MRC2: variants seen among roughly 807,000 people sequenced by gnomAD.
MRC2 encodes the protein mannose receptor C-type 2.
MRC2 carries 84 observed loss-of-function variants against 206.2 expected under a neutral mutation model. The observed-to-expected ratio is 0.41, with a 90% confidence interval of 0.34 to 0.49. The LOEUF (loss-of-function observed/expected upper bound fraction) is 0.49, where lower values mean the gene tolerates loss of function less well. MRC2 is among the 20% of genes least tolerant of loss of function. MRC2 has a pLI of 0.31. For missense variants in MRC2, 1,676 were observed against 2,001.5 expected (o/e 0.84, Z 3.10); for synonymous variants, 798 against 800.0 (o/e 1.00, Z 0.04).
chr17:62,655,279 C>T (rs943989888), intron 1 of MRC2, among the ~76,000 whole-genome samples: 1 of 150,308 alleles, frequency 6.7e-6, no homozygotes, highest in Non-Finnish European at 1.5e-5. Context: ...GAGCAGACTC[C>T]GTCTCAAACA....
chr17:62,680,006 C>G lies in MRC2; in HGVS notation c.2298+104C>G. ...TGGGCGGGTTTTCTTGAGGGCCGGG[C>G]CCCCAGTCGGAGCCGGCTTCAGGAA... On this transcript the variant is annotated intron_variant, in intron 14 of 29. Coordinates refer to ENST00000303375, the MANE Select transcript of MRC2 (RefSeq NM_006039.5). This position sits in a 1 kb window ranked among gnomAD's most constrained non-coding sequence, Gnocchi z 4.8. 3.4e-6 allele frequency: 5 copies of G among 1,450,042 alleles called. No homozygotes were observed. The highest frequency in any genetic ancestry group is 4.7e-6 in the Non-Finnish European group (5 of 1,073,002). The allele number at this position is 1,450,042 out of a possible 1,614,324, so 89.8% of individuals were successfully genotyped here. A position where few individuals can be genotyped will look rare whatever the true frequency, so the allele number is the denominator to read the frequency against.
In MRC2 at chr17:62,627,912, C is replaced by T; in HGVS notation, c.110C>T (p.Ala37Val). ...LGRPGAPGDA[A>V]LPEPNVFLIF... ...CGTCCCGGCGCCCCTGGGGACGCCG[C>T]CCTCCCGGGTAAGGCGCTGCCAACT... The change falls in exon 1 of 30, where the codon GCC (alanine) becomes GTC (valine). Residue 37 changes from alanine to valine, a missense_variant. By Grantham distance (64) the Ala-to-Val change is moderately conservative. Coordinates refer to ENST00000303375, the MANE Select transcript of MRC2 (RefSeq NM_006039.5). The T allele has an allele frequency of 6.9e-7, 1 of 1,456,660 alleles. No homozygotes were observed. The highest frequency in any genetic ancestry group is 9.0e-7 in the Non-Finnish European group (1 of 1,111,570). 90.2% of individuals were successfully genotyped at this position (1,456,660 alleles called of 1,614,324 possible).
Position 62,672,208 on chromosome 17 carries a change from T to A in MRC2, c.1461+56T>A. The A allele has an allele frequency of 1.9e-6, 3 of 1,603,444 alleles. No individual in the cohort carries two copies. The highest frequency in any genetic ancestry group is 2.6e-6 in the Non-Finnish European group (3 of 1,171,984). On this transcript the variant is annotated intron_variant, in intron 8 of 29. Transcript: ENST00000303375. The surrounding 1 kb of genome is among the most constrained non-coding windows in gnomAD (Gnocchi z 4.5). ...ACAAAATACACCCCCAACCTCCAGGTGCCACCCCAGCTGAAGGACATCCTA... is the reference window on the plus strand; with the variant it reads ...ACAAAATACACCCCCAACCTCCAGGAGCCACCCCAGCTGAAGGACATCCTA...
chr17:62,683,841 G>T lies in MRC2; in HGVS notation c.2946+1464G>T, dbSNP rs2089000903. ...GGTCATGCCACTGTATACCACCCTGGGTAATGGAGTGAGACCCTTTCTCCA... is the reference window on the plus strand; with the variant it reads ...GGTCATGCCACTGTATACCACCCTGTGTAATGGAGTGAGACCCTTTCTCCA... On this transcript the variant is annotated intron_variant, in intron 20 of 29. Coordinates refer to ENST00000303375, the MANE Select transcript of MRC2 (RefSeq NM_006039.5). 2.0e-5 allele frequency: 3 copies of T among 151,110 alleles called. No individual in the cohort carries two copies. The South Asian group carries it at 6.3e-4, about 32-fold the overall frequency. 9.4% of individuals were successfully genotyped at this position (151,110 alleles called of 1,614,324 possible).
rs562083245 is a variant in MRC2 at position 62,666,644 on chromosome 17, C to A, written c.859+25C>A. On this transcript the variant is annotated intron_variant, in intron 4 of 29. Coordinates refer to ENST00000303375, the MANE Select transcript of MRC2 (RefSeq NM_006039.5). This position sits in a 1 kb window ranked among gnomAD's most constrained non-coding sequence, Gnocchi z 5.0. ...GGTGAGCCGGGGCCTGATGCCTGCT[C>A]GTGCCTCTGGAGGGCCCGGGCCCTT... The A allele has an allele frequency of 3.4e-6, 5 of 1,463,268 alleles. No homozygotes were observed. Among genetic ancestry groups the A allele is most frequent in the South Asian group, 1.2e-5 (1 of 80,452 alleles). 90.6% of individuals were successfully genotyped at this position (1,463,268 alleles called of 1,614,324 possible).
intron 1 of MRC2, among the ~76,000 whole-genome samples, chr17:62,655,705 C>T (rs539236251): frequency 8.5e-4 from 105 of 122,960 alleles, no homozygotes; most frequent in Admixed American, 2.1e-3. Flanking sequence ...GACAACAGAA[C>T]GAAACTCTGT....
At chr17:62,637,816 C>G (rs1454897053) in intron 1 of MRC2, among the ~76,000 whole-genome samples, 1 of 152,186 alleles carries the variant, frequency 6.6e-6, no homozygotes, top group Non-Finnish European at 1.5e-5. Flanking sequence ...ACCTCCAGAG[C>G]AAGGCCTTTT....
Position 62,666,137 on chromosome 17 carries a change from C to A in MRC2, c.564C>A (p.Thr188=). 1 of 1,598,326 alleles carries A rather than the reference C, an allele frequency of 6.3e-7. No homozygotes were observed. ...GAAACTCCCACGGAAAGCCGTGCAC[C>A]ATCCCCTTCAAATATGACAACCAGT... is the stretch of plus-strand genomic sequence containing the variant. The part of the protein sequence containing the change: ...IQGNSHGKPC[T]IPFKYDNQWF... Residue 188 remains threonine (T), a synonymous_variant, in exon 3 of 30, where the codon ACC becomes ACA. Coordinates refer to ENST00000303375, the MANE Select transcript of MRC2 (RefSeq NM_006039.5). This position sits in a 1 kb window ranked among gnomAD's most constrained non-coding sequence, Gnocchi z 5.0.
At chr17:62,665,061 G>A in intron 2 of MRC2, 112 bp downstream of exon 2, 1 of 1,175,788 alleles carries the variant, frequency 8.5e-7, no homozygotes, top group Admixed American at 2.8e-5. Flanking sequence ...ACCCTTGGCA[G>A]TCACATGTTT....
chr17:62,666,292 GC>G lies in MRC2; in HGVS notation c.694+26del. ...AGTGAGAGCTGTTGGAGCCGTGGGGGCGGGGGCAGTGTTCCTGGAGGGAGGC... is the reference window on the plus strand; with the variant it reads ...AGTGAGAGCTGTTGGAGCCGTGGGGGGGGGGCAGTGTTCCTGGAGGGAGGC... On this transcript the variant is annotated intron_variant, in intron 3 of 29. Transcript: ENST00000303375. The surrounding 1 kb of genome is among the most constrained non-coding windows in gnomAD (Gnocchi z 5.0). 6.4e-7 allele frequency: 1 copy of G among 1,557,752 alleles called. No individual in the cohort carries two copies. Among genetic ancestry groups the G allele is most frequent in the Non-Finnish European group, 8.7e-7 (1 of 1,154,574 alleles).
At chr17:62,651,273 A>C (rs550009836) in intron 1 of MRC2, among the ~76,000 whole-genome samples, 132 of 152,166 alleles carry the variant, frequency 8.7e-4, no homozygotes, top group African/African-American at 3.0e-3. Flanking sequence ...TAGTAGAGAC[A>C]GGGTTTCACC....
intron 1 of MRC2, among the ~76,000 whole-genome samples, chr17:62,659,081 G>T (rs543803333): frequency 3.3e-5 from 5 of 152,310 alleles, no homozygotes; most frequent in Non-Finnish European, 4.4e-5. Context: ...CCACTTCCTC[G>T]TGGACAGCTG....
At chr17:62,655,307 C>T (rs2088604418) in intron 1 of MRC2, among the ~76,000 whole-genome samples, 1 of 143,522 alleles carries the variant, frequency 7.0e-6, no homozygotes, top group South Asian at 2.2e-4. Context: ...TTTGGGAGGC[C>T]AAGGTGGGTA....
intron 12 of MRC2, among the ~76,000 whole-genome samples, chr17:62,677,880 T>C (rs1404636221): frequency 6.6e-6 from 1 of 151,976 alleles, no homozygotes; most frequent in African/African-American, 2.4e-5. Flanking sequence ...TGAAACCCCA[T>C]CTCTACTAAA....
intron 20 of MRC2, among the ~76,000 whole-genome samples, chr17:62,683,731 G>A (rs2088999458): frequency 6.6e-6 from 1 of 151,654 alleles, no homozygotes; most frequent in South Asian, 2.1e-4. Flanking sequence ...AGGTGTGATG[G>A]TGCACACTTG....
intron 8 of MRC2, 36 bp from the exon 9 acceptor site, chr17:62,674,027 T>TG (rs1420625159): frequency 6.8e-7 from 1 of 1,461,582 alleles, no homozygotes; most frequent in Non-Finnish European, 9.4e-7. Flanking sequence ...TATGGGGAGG[T>TG]GGGGGTTGAG....
At chr17:62,660,797 C>A (rs2088670727) in intron 1 of MRC2, among the ~76,000 whole-genome samples, 1 of 152,156 alleles carries the variant, frequency 6.6e-6, no homozygotes, top group Non-Finnish European at 1.5e-5. Context: ...AAAGTCCAGA[C>A]TCCTTATGAC....
At position 62,675,797 on chromosome 17, in the gene MRC2, C is replaced by T. The variant is rs151074691; in HGVS notation, c.1577C>T (p.Thr526Met). ...TGTCCACTCTTGAGCCAGGGTTGGA[C>T]GTGGCACAGCCCATCCTGCTACTGG... ...EEDHGCRKGW[T>M]WHSPSCYWLG... The change falls in exon 10 of 30, where the codon ACG becomes ATG. Residue 526 changes from threonine to methionine, a missense_variant. This residue lies in a region of MRC2 where 1,354 missense variants were observed against 1,636.6 expected (regional missense o/e 0.83). Coordinates refer to ENST00000303375, the MANE Select transcript of MRC2 (RefSeq NM_006039.5). This position sits in a 1 kb window ranked among gnomAD's most constrained non-coding sequence, Gnocchi z 4.1. 751 of 1,614,008 alleles carry T rather than the reference C, an allele frequency of 4.7e-4. No homozygotes were observed. The highest frequency in any genetic ancestry group is 3.8e-3 in the Middle Eastern group (23 of 6,060).
At chr17:62,681,999 C>A in intron 19 of MRC2, 62 bp downstream of exon 19, 1 of 1,432,302 alleles carries the variant, frequency 7.0e-7, no homozygotes, top group Non-Finnish European at 9.7e-7. Context: ...GCTGGGCGAG[C>A]CTGGGCAGAA....
Sources: allele counts gnomAD v4.1 joint callset (sites outside exome capture counted in the v4.1 genomes callset), GRCh38; gene constraint gnomAD v4.1.1; regional missense constraint gnomAD v4.1.1; non-coding constraint Gnocchi (gnomAD v3.1); transcripts MANE v1.5; gene names NCBI Gene and HGNC (gene_info 2026-07-23, HGNC 2026-07-21).